Variants in ATP2A2 observed in about 807,000 individuals in gnomAD.
ATP2A2 encodes the protein ATPase sarcoplasmic/endoplasmic reticulum Ca2+ transporting 2.
A neutral mutation model predicts 109.3 loss-of-function variants in ATP2A2; 14 were observed. The ratio of observed to expected loss-of-function variants is 0.13; its 90% CI spans 0.08 to 0.20. ATP2A2 has a LOEUF of 0.20. ATP2A2 is among the 10% of genes least tolerant of loss of function. The probability of loss-of-function intolerance (pLI) is 1.00; values close to 1 mark genes in which losing one functional copy is unlikely to be tolerated. For missense variants in ATP2A2, 657 were observed against 1,321.6 expected (o/e 0.50, Z 7.80); for synonymous variants, 506 against 490.9 (o/e 1.03, Z -0.41).
chr12:110,350,177 C>G lies in ATP2A2; in HGVS notation c.*3707C>G. The G allele has an allele frequency of 6.2e-7, 1 of 1,602,062 alleles. No homozygotes were observed. The highest frequency in any genetic ancestry group is 8.5e-7 in the Non-Finnish European group (1 of 1,174,188). ...GCTGGTCTTGAAACCTTGAAAAGAT[C>G]AAGCTGAATGTTCCTTTTCATCTGT... On this transcript the variant is annotated 3_prime_UTR_variant, in exon 20 of 20. Transcript: ENST00000539276.
rs1592871517 is a variant in ATP2A2 at position 110,347,459 on chromosome 12, T to TAGTC, written c.*991_*994dup. On this transcript the variant is annotated 3_prime_UTR_variant, in exon 20 of 20. Coordinates refer to ENST00000539276, the MANE Select transcript of ATP2A2 (RefSeq NM_170665.4). ...GAAGGCTCCTGCTCTGCTGTGTAGG[T>TAGTC]AGTCATAGGAATTGTATTCTTAATG... The TAGTC allele has an allele frequency of 7.8e-7, 1 of 1,289,084 alleles. No individual in the cohort carries two copies. Among genetic ancestry groups the TAGTC allele is most frequent in the Non-Finnish European group, 1.0e-6 (1 of 988,684 alleles). The allele number at this position is 1,289,084 out of a possible 1,614,324, so 79.9% of individuals were successfully genotyped here.
At position 110,344,869 on chromosome 12, in the gene ATP2A2, ACT is replaced by A. The variant is rs1214946616; in HGVS notation, c.2522-16_2522-15del. 6.2e-7 allele frequency: 1 copy of A among 1,613,722 alleles called. No homozygotes were observed. The highest frequency in any genetic ancestry group is 1.7e-5 in the Admixed American group (1 of 59,998). ...CTGCAGAGGCAAGTGCATCAGCATC[ACT>A]GTGTTTGTTCCCAGGTTACGTCGGC... On this transcript the variant is annotated splice_polypyrimidine_tract_variant and intron_variant, in intron 16 of 19. Coordinates refer to ENST00000539276, the MANE Select transcript of ATP2A2 (RefSeq NM_170665.4).
At chr12:110,299,987 C>T (rs1375238736) in intron 5 of ATP2A2, among the ~76,000 whole-genome samples, 2 of 151,530 alleles carry the variant, frequency 1.3e-5, no homozygotes, top group African/African-American at 4.8e-5. Flanking sequence ...AACTCCCGAC[C>T]TCAGGTGGTC....
At chr12:110,344,800 G>C in intron 16 of ATP2A2, 86 bp from the exon 17 acceptor site, 2 of 1,318,554 alleles carry the variant, frequency 1.5e-6, no homozygotes, top group Non-Finnish European at 2.2e-6. Flanking sequence ...TTTGATCTTC[G>C]TCCTTGTGGG....
chr12:110,341,699 C>T (rs1252858997), intron 14 of ATP2A2, among the ~76,000 whole-genome samples: 1 of 152,006 alleles, frequency 6.6e-6, no homozygotes, highest in Non-Finnish European at 1.5e-5. Flanking sequence ...ATGGTGAAAC[C>T]CCGTCTGTAC....
intron 5 of ATP2A2, among the ~76,000 whole-genome samples, chr12:110,317,099 A>C (rs960257180): frequency 6.6e-6 from 1 of 152,214 alleles, no homozygotes; most frequent in Non-Finnish European, 1.5e-5. Context: ...GAGCTTCTCA[A>C]ATGAAGAATT....
At chr12:110,317,215 T>C (rs1347519349) in intron 5 of ATP2A2, among the ~76,000 whole-genome samples, 1 of 152,238 alleles carries the variant, frequency 6.6e-6, no homozygotes, top group South Asian at 2.1e-4. Flanking sequence ...AAATCTGTTA[T>C]GCCTTGTGTT....
chr12:110,346,396 G>T lies in ATP2A2; in HGVS notation c.3055G>T (p.Val1019Leu), dbSNP rs777846748. The change falls in exon 20 of 20, where the codon GTG becomes TTG. Residue 1019 changes from valine (V) to leucine (L), a missense_variant. Transcript: ENST00000539276. Reference protein sequence around the residue: ...ACTDGISWPFVLLIMPLVIWV... With the variant: ...ACTDGISWPFLLLIMPLVIWV... ...CACCGATGGGATTTCCTGGCCGTTT[G>T]TGCTGCTCATAATGCCCCTGGTGAT... The T allele has an allele frequency of 6.2e-7, 1 of 1,614,096 alleles. No individual in the cohort carries two copies.
chr12:110,322,805 C>G (rs1877379426), intron 5 of ATP2A2, among the ~76,000 whole-genome samples, 187 bp from the exon 6 acceptor site: 1 of 152,204 alleles, frequency 6.6e-6, no homozygotes, highest in Admixed American at 6.5e-5. Flanking sequence ...AATCTTGAAT[C>G]CATCTAAAGT....
rs1880265198 is a variant in ATP2A2, at chr12:110,350,132, A to G, written c.*3662A>G. On this transcript the variant is annotated 3_prime_UTR_variant, in exon 20 of 20. Transcript: ENST00000539276. The stretch of plus-strand genomic sequence containing the variant: ...TGCTACCCTGTGTGGGCGGCACCTC[A>G]GGGACAGTAAATCAGAAATGCTGGT... 1 of 1,527,808 alleles carries G rather than the reference A, an allele frequency of 6.5e-7. No homozygotes were observed. The highest frequency in any genetic ancestry group is 8.8e-7 in the Non-Finnish European group (1 of 1,138,850). 94.6% of individuals were successfully genotyped at this position (1,527,808 alleles called of 1,614,324 possible).
intron 3 of ATP2A2, 110 bp downstream of exon 3, chr12:110,282,905 G>T (rs1281754888): frequency 1.0e-6 from 1 of 955,212 alleles, no homozygotes; most frequent in Non-Finnish European, 1.6e-6. Context: ...GGAGTTGCAA[G>T]CTGTGTCTCT....
At chr12:110,316,510 T>C (rs1876683943) in intron 5 of ATP2A2, among the ~76,000 whole-genome samples, 1 of 152,240 alleles carries the variant, frequency 6.6e-6, no homozygotes, top group South Asian at 2.1e-4. Context: ...AGTCTTTTGC[T>C]ACATGTATAC....
chr12:110,314,474 C>T (rs1014412066), intron 5 of ATP2A2, among the ~76,000 whole-genome samples: 12 of 151,890 alleles, frequency 7.9e-5, no homozygotes, highest in African/African-American at 2.4e-4. Context: ...AGATAACAGA[C>T]GAAGATGTTA....
intron 3 of ATP2A2, among the ~76,000 whole-genome samples, chr12:110,286,087 C>T (rs368201143): frequency 2.0e-5 from 3 of 152,042 alleles, no homozygotes; most frequent in African/African-American, 7.2e-5. Flanking sequence ...CCACGCCCGG[C>T]TAATTTTTGT....
intron 3 of ATP2A2, among the ~76,000 whole-genome samples, chr12:110,287,178 G>A (rs959651247): frequency 1.3e-5 from 2 of 152,096 alleles, no homozygotes; most frequent in African/African-American, 4.8e-5. Context: ...GCTTGAACCC[G>A]GGAGGCGGAT....
At chr12:110,321,655 G>T (rs1031652297) in intron 5 of ATP2A2, among the ~76,000 whole-genome samples, 1 of 152,088 alleles carries the variant, frequency 6.6e-6, no homozygotes, top group African/African-American at 2.4e-5. Context: ...GACTGGTCTC[G>T]AACTCCTAGC....
chr12:110,296,493 C>T, intron 4 of ATP2A2, 106 bp from the exon 5 acceptor site: 1 of 1,416,490 alleles, frequency 7.1e-7, no homozygotes, highest in Non-Finnish European at 1.0e-6. Flanking sequence ...TACTGGTGGG[C>T]TTCCTTTCTT....
In ATP2A2 at chr12:110,326,527, T is replaced by G. The variant is rs140380051; in HGVS notation, c.630+52T>G. ...ATTTACAGACATTTCCAAAGCCTAA[T>G]CAAATGTTATGTTTTTCACTGCCAA... On this transcript the variant is annotated intron_variant, in intron 7 of 19. Coordinates refer to ENST00000539276, the MANE Select transcript of ATP2A2 (RefSeq NM_170665.4). The G allele has an allele frequency of 6.7e-5, 99 of 1,487,674 alleles. No homozygotes were observed. In the Middle Eastern group the frequency reaches 6.8e-4, roughly 10 times the overall value. 92.2% of individuals were successfully genotyped at this position (1,487,674 alleles called of 1,614,324 possible). A position where few individuals can be genotyped will look rare whatever the true frequency, so the allele number is the denominator to read the frequency against.
At chr12:110,333,370 CT>C in intron 10 of ATP2A2, 87 bp downstream of exon 10, 1 of 1,269,860 alleles carries the variant, frequency 7.9e-7, no homozygotes. Context: ...GCCTTCCTCC[CT>C]TTTGAAAGTC....
Sources: allele counts gnomAD v4.1 joint callset (sites outside exome capture counted in the v4.1 genomes callset), GRCh38; gene constraint gnomAD v4.1.1; transcripts MANE v1.5; gene names NCBI Gene and HGNC (gene_info 2026-07-23, HGNC 2026-07-21).